Variants in ARHGEF28 observed in about 807,000 individuals in gnomAD.
ARHGEF28 encodes the protein Rho guanine nucleotide exchange factor 28.
ARHGEF28 carries 152 observed loss-of-function variants against 206.6 expected under a neutral mutation model. The observed-to-expected ratio is 0.74, with a 90% CI of 0.64 to 0.84. The LOEUF is 0.84. Ranked by LOEUF, ARHGEF28 falls within the 40% of genes least tolerant of loss-of-function variation. ARHGEF28 has a pLI of 0.00. For synonymous variants in ARHGEF28, 763 were observed against 776.4 expected (o/e 0.98, Z 0.29); for missense variants, 2,028 against 2,073.2 (o/e 0.98, Z 0.42).
At chr5:73,843,119 T>G (rs2112580660) in intron 11 of ARHGEF28, among the ~76,000 whole-genome samples, 1 of 152,308 alleles carries the variant, frequency 6.6e-6, no homozygotes, top group East Asian at 1.9e-4. Flanking sequence ...TTATTGATAC[T>G]TATGCAGATA....
chr5:73,924,595 T>C (rs1295112843), intron 35 of ARHGEF28, among the ~76,000 whole-genome samples: 1 of 152,220 alleles, frequency 6.6e-6, no homozygotes, highest in Non-Finnish European at 1.5e-5. Context: ...GCTTCTAAAG[T>C]GGTTGCTCTG....
intron 2 of ARHGEF28, among the ~76,000 whole-genome samples, chr5:73,687,082 ATTG>A (rs1747523226): frequency 6.6e-6 from 1 of 152,100 alleles, no homozygotes; most frequent in Non-Finnish European, 1.5e-5. Context: ...AGGGGTTCAT[ATTG>A]TTGTCATTTC....
At chr5:73,632,623 A>G (rs1743440026) in intron 1 of ARHGEF28, among the ~76,000 whole-genome samples, 1 of 152,244 alleles carries the variant, frequency 6.6e-6, no homozygotes, top group Non-Finnish European at 1.5e-5. Flanking sequence ...AAAAAAATTA[A>G]TTATATATCC....
chr5:73,792,126 C>T (rs1754517662), intron 7 of ARHGEF28, among the ~76,000 whole-genome samples: 1 of 152,188 alleles, frequency 6.6e-6, no homozygotes, highest in Admixed American at 6.5e-5. Context: ...CTGGAATCAG[C>T]ACAGTATCAC....
At chr5:73,904,736 A>G (rs1391076090) in intron 33 of ARHGEF28, 1 of 277,280 alleles carries the variant, frequency 3.6e-6, no homozygotes, top group Non-Finnish European at 6.7e-6. Context: ...ACCTAAATTC[A>G]CACCTAAAAT....
At chr5:73,930,008 A>G (rs1385146597) in intron 35 of ARHGEF28, among the ~76,000 whole-genome samples, 1 of 152,142 alleles carries the variant, frequency 6.6e-6, no homozygotes. Context: ...AAATTTTAGT[A>G]TATTTATTAC....
chr5:73,820,396 G>A (rs1379521976), intron 9 of ARHGEF28, among the ~76,000 whole-genome samples: 1 of 152,050 alleles, frequency 6.6e-6, no homozygotes, highest in African/African-American at 2.4e-5. Flanking sequence ...GGGGGGTGGA[G>A]GTGGAGGGAT....
chr5:73,821,224 C>T (rs1756565932), intron 9 of ARHGEF28, among the ~76,000 whole-genome samples: 1 of 152,046 alleles, frequency 6.6e-6, no homozygotes, highest in Non-Finnish European at 1.5e-5. Context: ...TGGAGGAATG[C>T]CAGGTAGTAC....
intron 35 of ARHGEF28, among the ~76,000 whole-genome samples, chr5:73,924,658 C>A (rs1303121280): frequency 1.3e-5 from 2 of 152,138 alleles, no homozygotes; most frequent in African/African-American, 4.8e-5. Context: ...AATCAGCACA[C>A]CTCAAAAATT....
At chr5:73,685,570 G>T (rs960106690) in intron 2 of ARHGEF28, among the ~76,000 whole-genome samples, 1 of 152,028 alleles carries the variant, frequency 6.6e-6, no homozygotes, top group Admixed American at 6.6e-5. Flanking sequence ...GAGGAGACTG[G>T]AGTTTAGAGC....
At chr5:73,807,123 A>G (rs1755559956) in intron 9 of ARHGEF28, among the ~76,000 whole-genome samples, 1 of 150,936 alleles carries the variant, frequency 6.6e-6, no homozygotes, top group African/African-American at 2.4e-5. Flanking sequence ...GTTCTTCCTA[A>G]TAGGAGGGAT....
chr5:73,822,119 G>A (rs1433859144), intron 9 of ARHGEF28, among the ~76,000 whole-genome samples: 1 of 152,144 alleles, frequency 6.6e-6, no homozygotes, highest in Non-Finnish European at 1.5e-5. Flanking sequence ...TGGTTTTAGA[G>A]ACCCAAAGTG....
chr5:73,806,260 AG>A (rs1755430827), intron 9 of ARHGEF28, among the ~76,000 whole-genome samples: 1 of 138,568 alleles, frequency 7.2e-6, no homozygotes, highest in Non-Finnish European at 1.5e-5. Context: ...ATCGATATAT[AG>A]TATATATAGA....
rs535592126 is a variant in ARHGEF28 at position 73,682,068 on chromosome 5, A to C, written c.-11-2773A>C. On this transcript the variant is annotated intron_variant, in intron 1 of 35. Coordinates refer to ENST00000513042, the MANE Select transcript of ARHGEF28 (RefSeq NM_001177693.2). ...TGCTGCATTCCAGCCTGGATGACAG[A>C]GTGATACTGTTTCAAATAATAACAA... Among the ~76,000 whole-genome samples the C allele has an allele frequency of 2.6e-5, 4 of 152,344 alleles. No homozygotes were observed. In the South Asian group the frequency reaches 8.3e-4, roughly 32 times the overall value.
chr5:73,759,944 G>C (rs1752516319), intron 4 of ARHGEF28, among the ~76,000 whole-genome samples: 1 of 152,208 alleles, frequency 6.6e-6, no homozygotes, highest in African/African-American at 2.4e-5. Context: ...GAGATCTGTA[G>C]CCAGTAGGAA....
intron 9 of ARHGEF28, among the ~76,000 whole-genome samples, chr5:73,796,070 C>A (rs1311623414): frequency 2.0e-4 from 30 of 152,324 alleles, no homozygotes; most frequent in Admixed American, 2.0e-3. Flanking sequence ...CTCTCTATTT[C>A]TTCAAGGCTA....
At chr5:73,887,458 T>A in intron 25 of ARHGEF28, 145 bp from the exon 26 acceptor site, 1 of 599,818 alleles carries the variant, frequency 1.7e-6, no homozygotes, top group Non-Finnish European at 2.8e-6. Context: ...ATTAAGTTAT[T>A]AATAGCATAT....
At position 73,883,818 on chromosome 5, in the gene ARHGEF28, C is replaced by T. The variant is rs1761100999; in HGVS notation, c.2989C>T (p.Leu997=). The change falls in exon 24 of 36, where the codon CTG becomes TTG. Residue 997 remains leucine (L), a synonymous_variant. Transcript: ENST00000513042. ...ARRRGIPECI[L]LVTQRITKYP... ...ACGCCGAGGAATTCCAGAATGCATT[C>T]TGTTGGTCACTCAGCGTATTACAAA... is the stretch of plus-strand genomic sequence containing the variant. 1 of 1,578,402 alleles carries T rather than the reference C, an allele frequency of 6.3e-7. No homozygotes were observed. The highest frequency in any genetic ancestry group is 8.6e-7 in the Non-Finnish European group (1 of 1,161,922).
At chr5:73,719,877 G>A (rs1229352858) in intron 2 of ARHGEF28, among the ~76,000 whole-genome samples, 1 of 152,194 alleles carries the variant, frequency 6.6e-6, no homozygotes, top group African/African-American at 2.4e-5. Context: ...ATCGAGGCAA[G>A]GCAGTTTACA....
Sources: allele counts gnomAD v4.1 joint callset (sites outside exome capture counted in the v4.1 genomes callset), GRCh38; gene constraint gnomAD v4.1.1; transcripts MANE v1.5; gene names NCBI Gene and HGNC (gene_info 2026-07-23, HGNC 2026-07-21).